PACSIN3: variants seen among roughly 807,000 people sequenced by gnomAD.
The protein encoded by PACSIN3 is protein kinase C and casein kinase substrate in neurons protein 3.
Under a neutral mutation model 56.1 loss-of-function variants are expected in PACSIN3, and 34 were observed. The observed-to-expected ratio is 0.61, with a 90% confidence interval of 0.46 to 0.81. The LOEUF (loss-of-function observed/expected upper bound fraction) is 0.81, where lower values mean the gene tolerates loss of function less well. Among genes scored for constraint, PACSIN3 ranks in the 30% least tolerant of loss-of-function variants. PACSIN3 has a pLI of 0.00. For missense variants in PACSIN3, 535 were observed against 592.4 expected, an observed-to-expected ratio of 0.90 and a Z score of 1.01; for synonymous variants, 218 against 229.8, an observed-to-expected ratio of 0.95 and a Z score of 0.46.
Position 47,180,560 on chromosome 11 carries a change from C to T in PACSIN3, c.342G>A (p.Gln114=). 1 of 1,603,862 alleles carries T rather than the reference C, an allele frequency of 6.2e-7. No individual in the cohort carries two copies. The highest frequency in any genetic ancestry group is 8.5e-7 in the Non-Finnish European group (1 of 1,179,590). The change falls in exon 5 of 11, where the codon CAG becomes CAA. Residue 114 remains glutamine, a synonymous_variant. Transcript: ENST00000298838. ...GQDSERVRAW[Q]RGAFHRPVLG... ...GCACAGGCCGGTGGAAAGCCCCCCG[C>T]TGCCAGGCGCGCACCCGCTCACTGT...
At position 47,180,604 on chromosome 11, in the gene PACSIN3, C is replaced by T. The variant is rs1235171448; in HGVS notation, c.298G>A (p.Glu100Lys). 6.2e-7 allele frequency: 1 copy of T among 1,605,268 alleles called. No homozygotes were observed. Among genetic ancestry groups the T allele is most frequent in the South Asian group, 1.1e-5 (1 of 91,066 alleles). Reference sequence around the variant, plus strand: ...TCACTGTCCTGCCCTTGCAGCTTCTCCCGCACCTCCAGGTGCAGCGCGCTC... The same window carrying T: ...TCACTGTCCTGCCCTTGCAGCTTCTTCCGCACCTCCAGGTGCAGCGCGCTC... ...RLSALHLEVR[E>K]KLQGQDSERV... Residue 100 changes from glutamate (E) to lysine (K), a missense_variant, in exon 5 of 11, where the codon GAG (glutamate) becomes AAG (lysine). Coordinates refer to ENST00000298838, the MANE Select transcript of PACSIN3 (RefSeq NM_016223.5).
intron 1 of PACSIN3, among the ~76,000 whole-genome samples, chr11:47,184,014 C>CA (rs58025457): frequency 0.028 from 3,254 of 116,184 alleles, 121 homozygotes; most frequent in African/African-American, 0.091. Flanking sequence ...GAGACTGTCT[C>CA]AAAAAAAAAA....
At chr11:47,180,765 A>T in intron 4 of PACSIN3, 75 bp from the exon 5 acceptor site, 1 of 1,141,814 alleles carries the variant, frequency 8.8e-7, no homozygotes, top group South Asian at 1.5e-5. Context: ...ACTGGGTGTG[A>T]GGCATGGAGG....
Position 47,182,285 on chromosome 11 carries a change from C to T in PACSIN3, c.211+118G>A, listed in dbSNP as rs1354244240. The T allele has an allele frequency of 4.1e-6, 4 of 966,822 alleles. No homozygotes were observed. In the East Asian group the frequency reaches 1.0e-4, roughly 24 times the overall value. 59.9% of individuals were successfully genotyped at this position (966,822 alleles called of 1,614,324 possible). On this transcript the variant is annotated intron_variant, in intron 4 of 10. Transcript: ENST00000298838. ...CATGAGGATGACCAGGAGGATCTTCCCTTTCTAAGGGAGGGTAGACGTGGA... is the reference window on the plus strand; with the variant it reads ...CATGAGGATGACCAGGAGGATCTTCTCTTTCTAAGGGAGGGTAGACGTGGA...
At chr11:47,184,713 G>A (rs1953087738) in intron 1 of PACSIN3, among the ~76,000 whole-genome samples, 1 of 152,180 alleles carries the variant, frequency 6.6e-6, no homozygotes, top group Admixed American at 6.5e-5. Context: ...TCTGCAGTGT[G>A]TCCTGTCTGC....
At position 47,179,549 on chromosome 11, in the gene PACSIN3, T is replaced by C. The variant is rs1565138575; in HGVS notation, c.641A>G (p.His214Arg). ...CTCCATGTAGCGTGGAGTGTAGCGA[T>C]GCAGCTCTGCCAGCGTCTGCTCATA... ...AQYEQTLAEL[H>R]RYTPRYMEDM... The change falls in exon 7 of 11, where the codon CAT becomes CGT. Residue 214 changes from histidine to arginine, a missense_variant. Transcript: ENST00000298838. This position sits in a 1 kb window ranked among gnomAD's most constrained non-coding sequence, Gnocchi z 4.4. 1 of 1,613,886 alleles carries C rather than the reference T, an allele frequency of 6.2e-7. No individual in the cohort carries two copies. Among genetic ancestry groups the C allele is most frequent in the Non-Finnish European group, 8.5e-7 (1 of 1,180,036 alleles).
Position 47,182,527 on chromosome 11 carries a change from C to T in PACSIN3, c.87G>A (p.Val29=). 1 of 1,613,200 alleles carries T rather than the reference C, an allele frequency of 6.2e-7. No individual in the cohort carries two copies. Among genetic ancestry groups the T allele is most frequent in the Non-Finnish European group, 8.5e-7 (1 of 1,179,842 alleles). ...CCCCGCACAGCCGGTGCCCGTCCTC[C>T]ACCCGCTGTACCGTGCGCCTGTAGT... The part of the protein sequence containing the change: ...AGNYRRTVQR[V]EDGHRLCGDL... Residue 29 remains valine, a synonymous_variant, in exon 4 of 11, where the codon GTG becomes GTA. Coordinates refer to ENST00000298838, the MANE Select transcript of PACSIN3 (RefSeq NM_016223.5).
In PACSIN3 at chr11:47,177,980, C is replaced by A; in HGVS notation, c.1226G>T (p.Gly409Val). ...GTTGGCAGGGTACAGGCCAATGCGGCCACTCTGCAACTGGCCTTGGCACCA... is the reference window on the plus strand; with the variant it reads ...GTTGGCAGGGTACAGGCCAATGCGGACACTCTGCAACTGGCCTTGGCACCA... ...QGWCQGQLQS[G>V]RIGLYPANYV... The change falls in exon 11 of 11, where the codon GGC (glycine) becomes GTC (valine). Residue 409 changes from glycine (G) to valine (V), a missense_variant. Physicochemically the swap from Gly to Val is moderately radical, Grantham distance 109. Transcript: ENST00000298838. 6.2e-7 allele frequency: 1 copy of A among 1,614,150 alleles called. No homozygotes were observed. Among genetic ancestry groups the A allele is most frequent in the Non-Finnish European group, 8.5e-7 (1 of 1,180,020 alleles).
chr11:47,184,862 G>C (rs1448578485), intron 1 of PACSIN3, among the ~76,000 whole-genome samples: 2 of 152,196 alleles, frequency 1.3e-5, no homozygotes, highest in Non-Finnish European at 2.9e-5. Flanking sequence ...GCTCCCCAGA[G>C]AGCTGCCCCC....
Position 47,180,391 on chromosome 11 carries a change from C to A in PACSIN3, c.448-50G>T. ...GACCCTGGATGCCACACCTTGGCCC[C>A]CTCGATCCCTTGCAAACAAACAGGA... On this transcript the variant is annotated intron_variant, in intron 5 of 10. Coordinates refer to ENST00000298838, the MANE Select transcript of PACSIN3 (RefSeq NM_016223.5). 4 of 1,598,514 alleles carry A rather than the reference C, an allele frequency of 2.5e-6. No individual in the cohort carries two copies. The South Asian group carries it at 4.4e-5, about 18-fold the overall frequency.
At position 47,178,517 on chromosome 11, in the gene PACSIN3, A is replaced by T; in HGVS notation, c.1038-30T>A. The T allele has an allele frequency of 6.2e-7, 1 of 1,610,112 alleles. No individual in the cohort carries two copies. The highest frequency in any genetic ancestry group is 8.5e-7 in the Non-Finnish European group (1 of 1,178,024). On this transcript the variant is annotated intron_variant, in intron 9 of 10. Coordinates refer to ENST00000298838, the MANE Select transcript of PACSIN3 (RefSeq NM_016223.5). This position sits in a 1 kb window ranked among gnomAD's most constrained non-coding sequence, Gnocchi z 4.2. ...AGAGGGGAGGCAAAGGGAGCAGCTC[A>T]GAGTGCAAGGAACACGGGGCTGGAG...
chr11:47,178,905 C>T lies in PACSIN3; in HGVS notation c.1026G>A (p.Pro342=), dbSNP rs202089295. Residue 342 remains proline (P), a synonymous_variant, in exon 9 of 11, where the codon CCG becomes CCA. Transcript: ENST00000298838. This position sits in a 1 kb window ranked among gnomAD's most constrained non-coding sequence, Gnocchi z 4.2. ...RDGTAPPPQS[P]GSPGTGQDEE... is the part of the protein sequence containing the mutation. ...CTCCTGGCTCTCACCCTGGGGACCCCGGGGACTGGGGTGGGGGTGCGGTGC... is the reference window on the plus strand; with the variant it reads ...CTCCTGGCTCTCACCCTGGGGACCCTGGGGACTGGGGTGGGGGTGCGGTGC... 27 of 1,613,878 alleles carry T rather than the reference C, an allele frequency of 1.7e-5. No individual in the cohort carries two copies. In the East Asian group the frequency reaches 3.1e-4, roughly 19 times the overall value.
At position 47,180,570 on chromosome 11, in the gene PACSIN3, C is replaced by T. The variant is rs758087833; in HGVS notation, c.332G>A (p.Arg111His). 2.5e-5 allele frequency: 40 copies of T among 1,604,078 alleles called. No individual in the cohort carries two copies. The highest frequency in any genetic ancestry group is 8.9e-5 in the East Asian group (4 of 44,862). The change falls in exon 5 of 11, where the codon CGC becomes CAC. Residue 111 changes from arginine to histidine, a missense_variant. By Grantham distance (29) the Arg-to-His change is conservative (BLOSUM62 0). Transcript: ENST00000298838. ...GTGGAAAGCCCCCCGCTGCCAGGCG[C>T]GCACCCGCTCACTGTCCTGCCCTTG... The part of the protein sequence containing the change: ...KLQGQDSERV[R>H]AWQRGAFHRP...
At chr11:47,180,097 T>C in intron 6 of PACSIN3, 89 bp downstream of exon 6, 1 of 1,236,436 alleles carries the variant, frequency 8.1e-7, no homozygotes, top group Non-Finnish European at 1.2e-6. Flanking sequence ...ATAAGGGTGC[T>C]GGGGACTGGA....
At position 47,179,118 on chromosome 11, in the gene PACSIN3, C is replaced by T. The variant is rs894633733; in HGVS notation, c.900+41G>A. ...TAGCCCTGGCCGAGCTGAGTGGGAG[C>T]CCATCCCACCTCCCATCCCCACCCC... On this transcript the variant is annotated intron_variant, in intron 8 of 10. Coordinates refer to ENST00000298838, the MANE Select transcript of PACSIN3 (RefSeq NM_016223.5). The surrounding 1 kb of genome is among the most constrained non-coding windows in gnomAD (Gnocchi z 4.4). The T allele has an allele frequency of 1.9e-6, 3 of 1,612,924 alleles. No individual in the cohort carries two copies. The Admixed American group carries it at 5.0e-5, about 27-fold the overall frequency.
At position 47,180,476 on chromosome 11, in the gene PACSIN3, G is replaced by A; in HGVS notation, c.426C>T (p.Pro142=). ...TCACCTCCTTCAGCCTCTTCAGCCA[G>A]GGCTTCTGGGCCTTGCGGAAGCCGT... ...AEDGFRKAQK[P]WLKRLKEVEA... Residue 142 remains proline (P), a synonymous_variant, in exon 5 of 11, where the codon CCC becomes CCT. Transcript: ENST00000298838. The A allele has an allele frequency of 6.2e-7, 1 of 1,601,402 alleles. No individual in the cohort carries two copies.
chr11:47,185,646 C>G (rs1953106624), intron 1 of PACSIN3: 1 of 152,388 alleles, frequency 6.6e-6, no homozygotes, highest in Admixed American at 6.5e-5. Context: ...CCCGACCTGC[C>G]GGCCGGGGTG....
In PACSIN3 at chr11:47,179,141, C is replaced by T. The variant is rs775448449; in HGVS notation, c.900+18G>A. 7.4e-6 allele frequency: 12 copies of T among 1,613,308 alleles called. No individual in the cohort carries two copies. In the South Asian group the frequency reaches 1.2e-4, roughly 16 times the overall value. On this transcript the variant is annotated intron_variant, in intron 8 of 10. Coordinates refer to ENST00000298838, the MANE Select transcript of PACSIN3 (RefSeq NM_016223.5). The surrounding 1 kb of genome is among the most constrained non-coding windows in gnomAD (Gnocchi z 4.4). Reference sequence around the variant, plus strand: ...AGCCCATCCCACCTCCCATCCCCACCCCGCCTGGAACACATGCCTCGAACT... The same window carrying T: ...AGCCCATCCCACCTCCCATCCCCACTCCGCCTGGAACACATGCCTCGAACT...
At chr11:47,180,795 G>A (rs1761388287) in intron 4 of PACSIN3, 105 bp from the exon 5 acceptor site, 4 of 822,716 alleles carry the variant, frequency 4.9e-6, no homozygotes, top group Admixed American at 2.9e-5. Context: ...CGCGCATGGG[G>A]TGCAAAGGTG....
Sources: allele counts gnomAD v4.1 joint callset (sites outside exome capture counted in the v4.1 genomes callset), GRCh38; gene constraint gnomAD v4.1.1; non-coding constraint Gnocchi (gnomAD v3.1); transcripts MANE v1.5; gene names NCBI Gene and HGNC (gene_info 2026-07-23, HGNC 2026-07-21).